IPO11: variants seen among roughly 807,000 people sequenced by gnomAD.
IPO11 encodes importin-11.
Under a neutral mutation model 143.2 loss-of-function variants are expected in IPO11, and 66 were observed. That is an observed-to-expected ratio of 0.46 (90% CI 0.38 to 0.57). The LOEUF (loss-of-function observed/expected upper bound fraction) is 0.57. IPO11 is among the 20% of genes least tolerant of loss of function. IPO11 has a pLI of 0.00. For synonymous variants in IPO11, 385 were observed against 377.8 expected, an observed-to-expected ratio of 1.02 and a Z score of -0.22; for missense variants, 1,026 against 1,141.0, an observed-to-expected ratio of 0.90 and a Z score of 1.45.
intron 1 of IPO11, among the ~76,000 whole-genome samples, chr5:62,429,993 G>A (rs1355139910): frequency 5.3e-5 from 8 of 152,066 alleles, no homozygotes; most frequent in East Asian, 3.9e-4. Context: ...TCTGGACCTC[G>A]GGATCTGCCC....
chr5:62,548,410 T>C (rs1561358248), intron 24 of IPO11, among the ~76,000 whole-genome samples: 1 of 152,116 alleles, frequency 6.6e-6, no homozygotes, highest in Admixed American at 6.6e-5. Flanking sequence ...TGCTGCTGCT[T>C]GTTCCTGTTG....
Position 62,435,198 on chromosome 5 carries a change from A to ATG in IPO11, c.-6-2074_-6-2073dup, listed in dbSNP as rs1208964597. On this transcript the variant is annotated intron_variant, in intron 1 of 29. Transcript: ENST00000325324. ...TATATATGTATATATATGTATATAT[A>ATG]TGTATATATATGTGTATATATATAT... Among the ~76,000 whole-genome samples the ATG allele has an allele frequency of 1.1e-3, 124 of 108,586 alleles. 4 individuals carry two copies. The highest frequency in any genetic ancestry group is 1.7e-3 in the Non-Finnish European group (87 of 52,502). The allele number at this position is 108,586 out of a possible 152,430, so 71.2% of individuals were successfully genotyped here.
intron 27 of IPO11, among the ~76,000 whole-genome samples, chr5:62,564,651 G>A (rs1227890827): frequency 6.6e-6 from 1 of 151,986 alleles, no homozygotes; most frequent in African/African-American, 2.4e-5. Flanking sequence ...ACTACCTACC[G>A]GATGTCAGTT....
At chr5:62,434,990 A>T (rs1460869940) in intron 1 of IPO11, among the ~76,000 whole-genome samples, 3 of 150,254 alleles carry the variant, frequency 2.0e-5, no homozygotes, top group Non-Finnish European at 4.4e-5. Flanking sequence ...GCACCACTGC[A>T]CTGTAGCCTA....
At chr5:62,492,570 G>T (rs889813680) in intron 15 of IPO11, among the ~76,000 whole-genome samples, 2 of 152,072 alleles carry the variant, frequency 1.3e-5, no homozygotes, top group Admixed American at 6.5e-5. Flanking sequence ...TTGAGATGGG[G>T]TCTCACTTTG....
intron 5 of IPO11, among the ~76,000 whole-genome samples, chr5:62,453,251 T>C (rs568690940): frequency 6.6e-6 from 1 of 151,238 alleles, no homozygotes; most frequent in East Asian, 1.9e-4. Context: ...CCAGAGTTCC[T>C]TTTACTTTTG....
rs571442350 is a variant in IPO11 at position 62,577,250 on chromosome 5, G to T, written c.2583-14327G>T. ...ATATTTGCTTGTTTTGTTGAAGTCA[G>T]TTTAGTTTCCTTCAGTTTTTAGAAT... On this transcript the variant is annotated intron_variant, in intron 27 of 29. Transcript: ENST00000325324. Among the ~76,000 whole-genome samples the T allele has an allele frequency of 7.9e-5, 12 of 152,212 alleles. No individual in the cohort carries two copies. The East Asian group carries it at 2.3e-3, about 29-fold the overall frequency.
At chr5:62,605,244 G>T (rs1745662697) in intron 29 of IPO11, among the ~76,000 whole-genome samples, 1 of 152,336 alleles carries the variant, frequency 6.6e-6, no homozygotes, top group Non-Finnish European at 1.5e-5. Context: ...TTCAGCAGCT[G>T]CTTTGGTAGA....
intron 27 of IPO11, among the ~76,000 whole-genome samples, chr5:62,571,609 A>G (rs1192804155): frequency 2.0e-5 from 3 of 152,142 alleles, no homozygotes; most frequent in African/African-American, 4.8e-5. Flanking sequence ...ATAATTTGTG[A>G]TAGCCTTTTG....
At chr5:62,492,522 A>G (rs1317089788) in intron 15 of IPO11, among the ~76,000 whole-genome samples, 1 of 152,008 alleles carries the variant, frequency 6.6e-6, no homozygotes, top group African/African-American at 2.4e-5. Context: ...GAATACTTAC[A>G]TACTTTTTTT....
At chr5:62,426,799 T>A (rs1743758110) in intron 1 of IPO11, among the ~76,000 whole-genome samples, 1 of 148,974 alleles carries the variant, frequency 6.7e-6, no homozygotes, top group East Asian at 1.9e-4. Context: ...ATATATATTT[T>A]ATATTTTAAT....
intron 29 of IPO11, among the ~76,000 whole-genome samples, chr5:62,624,711 A>C (rs1388831381): frequency 6.6e-6 from 1 of 151,990 alleles, no homozygotes; most frequent in Non-Finnish European, 1.5e-5. Flanking sequence ...CAGGCCGGGC[A>C]CGGTGGCTCA....
chr5:62,440,347 C>G (rs987526329), intron 2 of IPO11, among the ~76,000 whole-genome samples: 1 of 147,516 alleles, frequency 6.8e-6, no homozygotes, highest in Non-Finnish European at 1.5e-5. Flanking sequence ...AGTGTACGTC[C>G]CCTTTTTTTT....
intron 26 of IPO11, 137 bp downstream of exon 26, chr5:62,551,473 G>A: frequency 2.0e-6 from 1 of 502,218 alleles, no homozygotes; most frequent in Admixed American, 3.2e-5. Context: ...TATTTATGCT[G>A]TATCAATAAT....
intron 2 of IPO11, among the ~76,000 whole-genome samples, chr5:62,438,763 G>C (rs1240762904): frequency 6.9e-6 from 1 of 144,622 alleles, no homozygotes; most frequent in African/African-American, 2.6e-5. Context: ...AAAAAAAAAA[G>C]GGGGGGAGCA....
chr5:62,539,181 A>G (rs769328728), intron 24 of IPO11, among the ~76,000 whole-genome samples: 2 of 152,188 alleles, frequency 1.3e-5, no homozygotes, highest in Non-Finnish European at 2.9e-5. Context: ...TGTTAATTAT[A>G]TAATTAAAAA....
chr5:62,462,813 CT>C (rs900103455), intron 5 of IPO11, among the ~76,000 whole-genome samples: 23 of 146,250 alleles, frequency 1.6e-4, no homozygotes, highest in African/African-American at 1.5e-4. Context: ...TTGGCTGACT[CT>C]TTTTTTTTTC....
Position 62,543,758 on chromosome 5 carries a change from G to A in IPO11, c.2250+6469G>A, listed in dbSNP as rs1452690216. Among the ~76,000 whole-genome samples, 6 of 152,050 alleles carry A rather than the reference G, an allele frequency of 3.9e-5. No homozygotes were observed. In the East Asian group the frequency reaches 1.2e-3, roughly 29 times the overall value. On this transcript the variant is annotated intron_variant, in intron 24 of 29. Coordinates refer to ENST00000325324, the MANE Select transcript of IPO11 (RefSeq NM_016338.5). ...GAATGTGTTTGCTCTTGCTTCTCTA[G>A]TTCTTTTAATTGTGATGTTAGGGTG...
At chr5:62,591,116 T>C (rs1341062402) in intron 27 of IPO11, among the ~76,000 whole-genome samples, 1 of 152,168 alleles carries the variant, frequency 6.6e-6, no homozygotes, top group African/African-American at 2.4e-5. Flanking sequence ...AAATTGAAAT[T>C]ATTTTTCATC....
Sources: allele counts gnomAD v4.1 joint callset (sites outside exome capture counted in the v4.1 genomes callset), GRCh38; gene constraint gnomAD v4.1.1; transcripts MANE v1.5; gene names NCBI Gene and HGNC (gene_info 2026-07-23, HGNC 2026-07-21).